MYB: variants seen among roughly 807,000 people sequenced by gnomAD.
MYB encodes the protein transcriptional activator Myb.
MYB carries 28 observed loss-of-function variants against 92.9 expected under a neutral mutation model. That is an observed-to-expected ratio of 0.30 (90% confidence interval 0.22 to 0.41). The LOEUF is 0.41. Ranked by LOEUF, MYB falls within the 10% of genes least tolerant of loss-of-function variation. The pLI, the probability that MYB is intolerant of heterozygous loss-of-function variation, is 1.00. For synonymous variants in MYB, 295 were observed against 329.1 expected, an observed-to-expected ratio of 0.90 and a Z score of 1.12; for missense variants, 679 against 929.3, an observed-to-expected ratio of 0.73 and a Z score of 3.50.
chr6:135,200,381 A>G lies in MYB; in HGVS notation c.1916A>G (p.Asn639Ser). Residue 639 changes from asparagine (N) to serine (S), a missense_variant, in exon 13 of 16, where the codon AAT becomes AGT. By Grantham distance (46) the Asn-to-Ser change is conservative (BLOSUM62 1). Transcript: ENST00000341911. ...GGAATTGTTGCTGAGTTTCAAGAAAATGGACCACCCTTACTGAAGAAAATC... is the reference window on the plus strand; with the variant it reads ...GGAATTGTTGCTGAGTTTCAAGAAAGTGGACCACCCTTACTGAAGAAAATC... ...ESGIVAEFQE[N>S]GPPLLKKIKQ... 6.2e-7 allele frequency: 1 copy of G among 1,614,188 alleles called. No homozygotes were observed. The highest frequency in any genetic ancestry group is 8.5e-7 in the Non-Finnish European group (1 of 1,180,046).
intron 2 of MYB, 136 bp downstream of exon 2, chr6:135,186,156 C>T (rs1001173570): frequency 2.1e-5 from 14 of 662,362 alleles, no homozygotes; most frequent in Admixed American, 1.5e-4. Flanking sequence ...GCATGTGCAG[C>T]GTGCCCTATG....
rs138288763 is a variant in MYB at position 135,182,298 on chromosome 6, AGAG to A, written c.23+776_23+778del. 3.3e-5 allele frequency among the ~76,000 whole-genome samples: 5 copies of A among 152,028 alleles called. No homozygotes were observed. Among genetic ancestry groups the A allele is most frequent in the African/African-American group, 7.2e-5 (3 of 41,414 alleles). The stretch of plus-strand genomic sequence containing the variant: ...TTTGGCCGGACAGATGGGAAGAGGG[AGAG>A]GAGGAGGAGGAGGGAAATCCTCGTC... On this transcript the variant is annotated intron_variant, in intron 1 of 15. Coordinates refer to ENST00000341911, the MANE Select transcript of MYB (RefSeq NM_001130173.2). The surrounding 1 kb of genome is among the most constrained non-coding windows in gnomAD (Gnocchi z 5.6).
chr6:135,197,503 G>A (rs1022327371), intron 10 of MYB, among the ~76,000 whole-genome samples, 180 bp downstream of exon 10: 1 of 151,770 alleles, frequency 6.6e-6, no homozygotes, highest in African/African-American at 2.4e-5. Flanking sequence ...GCTGTCTGCA[G>A]GCTAACTGTT....
intron 13 of MYB, among the ~76,000 whole-genome samples, chr6:135,201,056 G>C (rs913700604): frequency 1.3e-5 from 2 of 152,088 alleles, no homozygotes; most frequent in Non-Finnish European, 2.9e-5. Context: ...TCCAGCCTGG[G>C]AGACAGCAAG....
chr6:135,183,382 C>A (rs1419661877), intron 1 of MYB, among the ~76,000 whole-genome samples: 1 of 152,194 alleles, frequency 6.6e-6, no homozygotes, highest in Non-Finnish European at 1.5e-5. Context: ...TAACCCCCAG[C>A]ACCTCTTTTC....
chr6:135,186,045 C>T, intron 2 of MYB, 25 bp downstream of exon 2: 2 of 1,583,912 alleles, frequency 1.3e-6, no homozygotes, highest in South Asian at 1.1e-5. Context: ...TATCAAGACG[C>T]AGAAAATAGA....
chr6:135,196,088 C>A, intron 9 of MYB, 86 bp downstream of exon 9: 1 of 1,373,646 alleles, frequency 7.3e-7, no homozygotes, highest in Non-Finnish European at 1.0e-6. Context: ...TTTCTATAGC[C>A]AAGCTGTTAT....
At chr6:135,189,500 G>A (rs1041702917) in intron 3 of MYB, among the ~76,000 whole-genome samples, 3 of 152,186 alleles carry the variant, frequency 2.0e-5, no homozygotes, top group African/African-American at 7.2e-5. Flanking sequence ...AAAAGTATCT[G>A]AGGTTAAGGT....
In MYB at chr6:135,217,863, G is replaced by A. The variant is rs1203657809; in HGVS notation, c.2170-1G>A. The A allele has an allele frequency of 5.0e-6, 8 of 1,598,668 alleles. No individual in the cohort carries two copies. Among genetic ancestry groups the A allele is most frequent in the East Asian group, 2.2e-5 (1 of 44,794 alleles). ...CCTGTTGCCATCCCTTTCTCCATCAGCCTTGTAGCAGTACCTGGGAACCTG... is the reference window on the plus strand; with the variant it reads ...CCTGTTGCCATCCCTTTCTCCATCAACCTTGTAGCAGTACCTGGGAACCTG... On this transcript the variant is annotated splice_acceptor_variant, in intron 15 of 15. Transcript: ENST00000341911. LOFTEE classifies it high-confidence loss of function.
chr6:135,186,240 T>A (rs1775895150), intron 2 of MYB, among the ~76,000 whole-genome samples: 1 of 152,204 alleles, frequency 6.6e-6, no homozygotes. Flanking sequence ...ATTTTAGGCT[T>A]CATCTGTGTT....
At chr6:135,214,715 G>C (rs1413241098) in intron 15 of MYB, among the ~76,000 whole-genome samples, 1 of 152,170 alleles carries the variant, frequency 6.6e-6, no homozygotes, top group African/African-American at 2.4e-5. Context: ...ACAAATGCAA[G>C]CTCAGTAACT....
chr6:135,211,284 G>A (rs1394072828), intron 15 of MYB, among the ~76,000 whole-genome samples: 2 of 150,772 alleles, frequency 1.3e-5, no homozygotes, highest in African/African-American at 4.9e-5. Context: ...AGAAATTCAC[G>A]TGGCTGTCAG....
At chr6:135,206,205 C>CA (rs67836018) in intron 15 of MYB, among the ~76,000 whole-genome samples, 17,038 of 86,462 alleles carry the variant, frequency 0.2, 1,995 homozygotes, top group East Asian at 0.27. Context: ...GACTCCATCT[C>CA]AAAAAAAAAA....
intron 1 of MYB, among the ~76,000 whole-genome samples, chr6:135,184,833 A>G (rs1042483811): frequency 6.6e-6 from 1 of 152,222 alleles, no homozygotes; most frequent in Non-Finnish European, 1.5e-5. Flanking sequence ...TTTCTAAGAT[A>G]GTATTTTTCC....
intron 15 of MYB, chr6:135,204,050 C>T: frequency 3.5e-6 from 1 of 288,146 alleles, no homozygotes; most frequent in African/African-American, 2.3e-5. Context: ...CCCTCTCCTC[C>T]ATCCCCCTGT....
At position 135,200,342 on chromosome 6, in the gene MYB, A is replaced by C; in HGVS notation, c.1877A>C (p.Glu626Ala). The C allele has an allele frequency of 6.2e-7, 1 of 1,614,148 alleles. No homozygotes were observed. The highest frequency in any genetic ancestry group is 1.1e-5 in the South Asian group (1 of 91,084). The change falls in exon 13 of 16, where the codon GAA becomes GCA. Residue 626 changes from glutamate (E) to alanine (A), a missense_variant. Glu to Ala is a moderately radical substitution (Grantham distance 107). Coordinates refer to ENST00000341911, the MANE Select transcript of MYB (RefSeq NM_001130173.2). ...VEDLQDVIKQESDESGIVAEF... is the reference protein window; with the variant it reads ...VEDLQDVIKQASDESGIVAEF... ...GATCTGCAGGATGTGATCAAACAGG[A>C]ATCTGATGAATCTGGAATTGTTGCT...
At chr6:135,192,631 C>A in intron 6 of MYB, 73 bp downstream of exon 6, 2 of 1,413,804 alleles carry the variant, frequency 1.4e-6, no homozygotes, top group Non-Finnish European at 2.0e-6. Flanking sequence ...TCATACTTTG[C>A]AGTTGTATAC....
chr6:135,188,599 TCC>T (rs1776248553), intron 3 of MYB, among the ~76,000 whole-genome samples: 4 of 150,558 alleles, frequency 2.7e-5, no homozygotes, highest in Admixed American at 2.0e-4. Flanking sequence ...AACCTCCGCC[TCC>T]CAGGTTCAAG....
rs1049239759 is a variant in MYB, at chr6:135,216,603, G to T, written c.2170-1261G>T. ...CAATTATTTTTTTCTGAATATTTTT[G>T]ATCTGCCATTGATTGAATCTATGGA... On this transcript the variant is annotated intron_variant, in intron 15 of 15. Coordinates refer to ENST00000341911, the MANE Select transcript of MYB (RefSeq NM_001130173.2). Among the ~76,000 whole-genome samples, 5 of 152,200 alleles carry T rather than the reference G, an allele frequency of 3.3e-5. No individual in the cohort carries two copies. In the East Asian group the frequency reaches 7.7e-4, roughly 23 times the overall value.
Sources: allele counts gnomAD v4.1 joint callset (sites outside exome capture counted in the v4.1 genomes callset), GRCh38; gene constraint gnomAD v4.1.1; non-coding constraint Gnocchi (gnomAD v3.1); transcripts MANE v1.5; gene names NCBI Gene and HGNC (gene_info 2026-07-23, HGNC 2026-07-21).